The following STT3A variants were observed in gnomAD, a reference collection of about 807,000 sequenced individuals.
The protein encoded by STT3A is STT3 oligosaccharyltransferase complex catalytic subunit A.
Under a neutral mutation model 89.2 loss-of-function variants are expected in STT3A, and 34 were observed. That is an observed-to-expected ratio of 0.38 (90% confidence interval 0.29 to 0.51). The LOEUF (loss-of-function observed/expected upper bound fraction) is 0.51, where lower values mean the gene tolerates loss of function less well. STT3A is among the 20% of genes least tolerant of loss of function. The pLI is 0.89. For synonymous variants in STT3A, 282 were observed against 310.3 expected (o/e 0.91, Z 0.96); for missense variants, 555 against 889.5 (o/e 0.62, Z 4.78).
At chr11:125,596,069 A>G in intron 2 of STT3A, 66 bp downstream of exon 2, 1 of 1,219,292 alleles carries the variant, frequency 8.2e-7, no homozygotes, top group South Asian at 1.3e-5. Context: ...AAAAAATTGA[A>G]AATCGCTATC....
intron 9 of STT3A, among the ~76,000 whole-genome samples, chr11:125,608,808 G>A (rs1326936861): frequency 6.6e-6 from 1 of 152,158 alleles, no homozygotes; most frequent in East Asian, 1.9e-4. Flanking sequence ...ATTCAGCATA[G>A]CAGAAAATAT....
chr11:125,600,890 A>G (rs1939652673), intron 3 of STT3A, among the ~76,000 whole-genome samples: 1 of 152,112 alleles, frequency 6.6e-6, no homozygotes, highest in Non-Finnish European at 1.5e-5. Context: ...GGACTCAAGC[A>G]GTCATCCCAC....
chr11:125,615,661 G>A (rs769462632), intron 15 of STT3A, among the ~76,000 whole-genome samples: 5 of 152,084 alleles, frequency 3.3e-5, no homozygotes, highest in Non-Finnish European at 5.9e-5. Flanking sequence ...TTTATATAAG[G>A]GACTTGAGCA....
intron 16 of STT3A, among the ~76,000 whole-genome samples, 157 bp from the exon 17 acceptor site, chr11:125,619,854 C>G (rs1940296003): frequency 6.6e-6 from 1 of 152,172 alleles, no homozygotes; most frequent in South Asian, 2.1e-4. Context: ...TTGATTTGCC[C>G]TTACTACCTC....
In STT3A at chr11:125,608,094, T is replaced by C. The variant is rs746338326; in HGVS notation, c.781-15T>C. 11 of 1,588,520 alleles carry C rather than the reference T, an allele frequency of 6.9e-6. No homozygotes were observed. The South Asian group carries it at 1.0e-4, about 15-fold the overall frequency. On this transcript the variant is annotated splice_polypyrimidine_tract_variant and intron_variant, in intron 8 of 17. Transcript: ENST00000392708. ...TTTTTCCTTAGTATTAACATACATA[T>C]CCTTTTACCTACAGCCTGTCCTTTC...
chr11:125,594,827 CTG>C (rs1285578995), intron 1 of STT3A: 5 of 152,086 alleles, frequency 3.3e-5, no homozygotes, highest in Non-Finnish European at 5.9e-5. Context: ...ATCAAACTGT[CTG>C]TGTAATTTAA....
At chr11:125,602,537 A>G (rs914821719) in intron 4 of STT3A, 113 bp downstream of exon 4, 3 of 1,278,054 alleles carry the variant, frequency 2.3e-6, no homozygotes, top group South Asian at 3.3e-5. Context: ...TTGTAATTTC[A>G]TCCTGATTAC....
chr11:125,594,076 T>C (rs1939406483), intron 1 of STT3A, among the ~76,000 whole-genome samples: 1 of 152,148 alleles, frequency 6.6e-6, no homozygotes, highest in Non-Finnish European at 1.5e-5. Flanking sequence ...ATTTTGAATA[T>C]TCCTAAGACA....
intron 9 of STT3A, among the ~76,000 whole-genome samples, chr11:125,609,110 G>A (rs1591376583): frequency 6.6e-6 from 1 of 152,326 alleles, no homozygotes; most frequent in Middle Eastern, 3.4e-3. Context: ...CAGGACTTGA[G>A]GATATAGTTG....
At chr11:125,601,489 C>T (rs957236661) in intron 3 of STT3A, among the ~76,000 whole-genome samples, 1 of 151,916 alleles carries the variant, frequency 6.6e-6, no homozygotes, top group Non-Finnish European at 1.5e-5. Context: ...GGCATTGTGG[C>T]GAGCGCCTGT....
rs760273585 is a variant in STT3A, at chr11:125,614,462, T to TA, written c.1774+37dup. On this transcript the variant is annotated intron_variant, in intron 15 of 17. Coordinates refer to ENST00000392708, the MANE Select transcript of STT3A (RefSeq NM_152713.5). The surrounding 1 kb of genome is among the most constrained non-coding windows in gnomAD (Gnocchi z 4.9). ...TGATTCTGTTTCTAGCTGCAGGACATAGATTCTAAGAAAACTAGATGAATA... is the reference window on the plus strand; with the variant it reads ...TGATTCTGTTTCTAGCTGCAGGACATAAGATTCTAAGAAAACTAGATGAATA... The TA allele has an allele frequency of 9.5e-6, 15 of 1,575,738 alleles. No homozygotes were observed. The highest frequency in any genetic ancestry group is 1.3e-5 in the Non-Finnish European group (15 of 1,150,218).
rs1332890475 is a variant in STT3A at position 125,597,128 on chromosome 11, C to A, written c.149+9C>A. 3.1e-6 allele frequency: 5 copies of A among 1,613,830 alleles called. No individual in the cohort carries two copies. The highest frequency in any genetic ancestry group is 1.7e-5 in the Admixed American group (1 of 59,996). On this transcript the variant is annotated intron_variant, in intron 3 of 17. Coordinates refer to ENST00000392708, the MANE Select transcript of STT3A (RefSeq NM_152713.5). Reference sequence around the variant, plus strand: ...ATCCATGAGTTTGATCCGTGAGTACCTTTGCTTGATCTGGTATTATTTCCT... The same window carrying A: ...ATCCATGAGTTTGATCCGTGAGTACATTTGCTTGATCTGGTATTATTTCCT...
chr11:125,604,176 T>C lies in STT3A; in HGVS notation c.437T>C (p.Leu146Pro). 6.2e-7 allele frequency: 1 copy of C among 1,614,158 alleles called. No individual in the cohort carries two copies. ...TTACAGGATGCAGGGGCTGGGCTTC[T>C]TGCTGCTGCCATGATTGCTGTAGTT... Reference protein sequence around the residue: ...KELKDAGAGLLAAAMIAVVPG... With the variant: ...KELKDAGAGLPAAAMIAVVPG... Residue 146 changes from leucine (L) to proline (P), a missense_variant, in exon 6 of 18, where the codon CTT becomes CCT. Around this residue, in one of 5 missense-constraint regions of STT3A, gnomAD observed 129 missense variants for 193.2 expected, o/e 0.67. Transcript: ENST00000392708.
At chr11:125,609,141 C>G (rs972191804) in intron 9 of STT3A, among the ~76,000 whole-genome samples, 1 of 152,186 alleles carries the variant, frequency 6.6e-6, no homozygotes, top group Non-Finnish European at 1.5e-5. Flanking sequence ...TACAGTTGGC[C>G]TTGGTTTGAC....
At chr11:125,596,876 A>G (rs1939515182) in intron 2 of STT3A, among the ~76,000 whole-genome samples, 183 bp from the exon 3 acceptor site, 1 of 152,216 alleles carries the variant, frequency 6.6e-6, no homozygotes, top group Non-Finnish European at 1.5e-5. Context: ...TGCCATTGTC[A>G]GGGGAAAGTA....
chr11:125,592,704 A>G (rs148454252), upstream of STT3A: 21 of 310,620 alleles, frequency 6.8e-5, no homozygotes, highest in East Asian at 1.8e-4. Flanking sequence ...GATAGCTGTA[A>G]TGACCAATTA....
intron 8 of STT3A, among the ~76,000 whole-genome samples, chr11:125,607,702 G>A (rs953041963): frequency 3.3e-5 from 5 of 152,230 alleles, no homozygotes; most frequent in African/African-American, 1.2e-4. Context: ...CTAAGGCAAA[G>A]AATGATTAAG....
intron 15 of STT3A, among the ~76,000 whole-genome samples, chr11:125,617,326 C>T (rs1289803599): frequency 1.3e-5 from 2 of 152,078 alleles, no homozygotes; most frequent in Non-Finnish European, 2.9e-5. Flanking sequence ...GATGAGAAAA[C>T]TGAAGCACAG....
At chr11:125,596,327 T>C (rs1398848285) in intron 2 of STT3A, among the ~76,000 whole-genome samples, 1 of 152,062 alleles carries the variant, frequency 6.6e-6, no homozygotes, top group Non-Finnish European at 1.5e-5. Flanking sequence ...TAGTTGAGTG[T>C]GGTGGTGGAT....
Sources: allele counts gnomAD v4.1 joint callset (sites outside exome capture counted in the v4.1 genomes callset), GRCh38; gene constraint gnomAD v4.1.1; regional missense constraint gnomAD v4.1.1; non-coding constraint Gnocchi (gnomAD v3.1); transcripts MANE v1.5; gene names NCBI Gene and HGNC (gene_info 2026-07-23, HGNC 2026-07-21).